The following C12orf42 variants were observed in gnomAD, a reference collection of about 807,000 sequenced individuals.
C12orf42 encodes uncharacterized protein C12orf42.
A neutral mutation model predicts 21.6 loss-of-function variants in C12orf42; 25 were observed. That is an observed-to-expected ratio of 1.16 (90% CI 0.84 to 1.62). C12orf42 has a LOEUF of 1.62. Ranked by LOEUF, C12orf42 falls within the 40% of genes most tolerant of loss-of-function variation. The pLI, the probability that C12orf42 is intolerant of heterozygous loss-of-function variation, is 0.00. For missense variants in C12orf42, 483 were observed against 459.3 expected (o/e 1.05, Z -0.47); for synonymous variants, 174 against 175.0 (o/e 0.99, Z 0.05).
At chr12:103,179,325 G>T in the C12orf42 span, among the ~76,000 whole-genome samples, 15 of 152,190 alleles carry the variant, frequency 9.9e-5, no homozygotes, top group African/African-American at 3.4e-4. Context: ...AGTGGTTTGT[G>T]GCTATTGGGA....
intron 4 of C12orf42, among the ~76,000 whole-genome samples, chr12:103,358,574 T>C (rs989798954): frequency 1.3e-5 from 2 of 151,290 alleles, no homozygotes; most frequent in African/African-American, 4.9e-5. Context: ...ACCCAGTAAA[T>C]GGCAGTACCA....
rs1029643872 is a variant in C12orf42 at position 103,248,834 on chromosome 12, C to A, written c.*1367-10932G>T. On this transcript the variant is annotated intron_variant and NMD_transcript_variant, in intron 10 of 10. Coordinates refer to the C12orf42 transcript ENST00000547347. ...AAATGTAATTATGTATGTGAAAGTGCCTTTCACAGTGTTTGGTATATGGTT... is the reference window on the plus strand; with the variant it reads ...AAATGTAATTATGTATGTGAAAGTGACTTTCACAGTGTTTGGTATATGGTT... Among the ~76,000 whole-genome samples the A allele has an allele frequency of 3.3e-5, 5 of 151,870 alleles. No individual in the cohort carries two copies. In the East Asian group the frequency reaches 9.6e-4, roughly 29 times the overall value.
chr12:103,321,767 A>G (rs1049432636), intron 4 of C12orf42, among the ~76,000 whole-genome samples: 2 of 150,514 alleles, frequency 1.3e-5, no homozygotes, highest in African/African-American at 4.9e-5. Flanking sequence ...TCGCAAGAAC[A>G]AAAAACCAAA....
chr12:103,138,314 T>C, the C12orf42 span, among the ~76,000 whole-genome samples: 1 of 152,186 alleles, frequency 6.6e-6, no homozygotes, highest in Non-Finnish European at 1.5e-5. Flanking sequence ...GGTTGGATCA[T>C]GAGGGCGGAT....
chr12:103,119,993 T>A, the C12orf42 span, among the ~76,000 whole-genome samples: 1 of 152,088 alleles, frequency 6.6e-6, no homozygotes, highest in Non-Finnish European at 1.5e-5. Context: ...AATTGAGGAG[T>A]CCACACAGCA....
chr12:103,289,174 C>T (rs1264719560), intron 4 of C12orf42, among the ~76,000 whole-genome samples: 1 of 152,046 alleles, frequency 6.6e-6, no homozygotes, highest in Non-Finnish European at 1.5e-5. Context: ...GAAGAGAAGT[C>T]CTCTAATTTG....
the C12orf42 span, among the ~76,000 whole-genome samples, chr12:103,520,082 A>G: frequency 1.3e-5 from 2 of 152,214 alleles, no homozygotes; most frequent in Non-Finnish European, 2.9e-5. Flanking sequence ...ACTAACGTGG[A>G]GGGTGAGCAG....
the C12orf42 span, among the ~76,000 whole-genome samples, chr12:103,095,382 A>G: frequency 3.3e-5 from 5 of 151,974 alleles, no homozygotes; most frequent in Admixed American, 6.6e-5. Flanking sequence ...ATCCCTTCAC[A>G]CTGGTCTCCT....
chr12:103,191,757 A>G, the C12orf42 span, among the ~76,000 whole-genome samples: 2 of 150,058 alleles, frequency 1.3e-5, no homozygotes, highest in Admixed American at 6.6e-5. Flanking sequence ...AAAAAAAAAA[A>G]AAAGAAAAGA....
At chr12:103,461,448 G>GA (rs928007154) in intron 2 of C12orf42, among the ~76,000 whole-genome samples, 15 of 150,706 alleles carry the variant, frequency 1.0e-4, no homozygotes, top group Middle Eastern at 3.4e-3. Flanking sequence ...TTTCTGATGA[G>GA]AAAAAAAAAT....
At chr12:103,272,481 G>T (rs1414995318) in intron 5 of C12orf42, among the ~76,000 whole-genome samples, 1 of 152,116 alleles carries the variant, frequency 6.6e-6, no homozygotes, top group Admixed American at 6.6e-5. Flanking sequence ...TGCCTCCATG[G>T]CTTGAGTACA....
the C12orf42 span, chr12:103,155,403 T>G: frequency 6.6e-6 from 1 of 152,174 alleles, no homozygotes; most frequent in Non-Finnish European, 1.5e-5. Context: ...CCCTCCAATG[T>G]GTCTTCTATA....
At chr12:103,215,717 T>C in the C12orf42 span, among the ~76,000 whole-genome samples, 1 of 152,194 alleles carries the variant, frequency 6.6e-6, no homozygotes, top group Non-Finnish European at 1.5e-5. Flanking sequence ...AAGTGCACCC[T>C]CCAACCTAGC....
chr12:103,527,419 G>C, the C12orf42 span, among the ~76,000 whole-genome samples: 1 of 152,168 alleles, frequency 6.6e-6, no homozygotes, highest in African/African-American at 2.4e-5. Context: ...TTGGGTCATG[G>C]AGATGGACCC....
At position 103,322,718 on chromosome 12, in the gene C12orf42, C is replaced by T. The variant is rs114016779; in HGVS notation, c.260-16373G>A. On this transcript the variant is annotated intron_variant, in intron 4 of 5. Coordinates refer to ENST00000548883, the MANE Select transcript of C12orf42 (RefSeq NM_198521.5). The stretch of plus-strand genomic sequence containing the variant: ...TAACTAAAACTGCATTTTTTAAAAA[C>T]GTTTAAACTGGTCTCACCACCACAA... Among the ~76,000 whole-genome samples the T allele has an allele frequency of 3.5e-3, 532 of 152,230 alleles. 1 individual carries two copies. Among genetic ancestry groups the T allele is most frequent in the African/African-American group, 0.012 (494 of 41,540 alleles).
chr12:103,085,355 G>C, the C12orf42 span, among the ~76,000 whole-genome samples: 4 of 152,130 alleles, frequency 2.6e-5, no homozygotes, highest in South Asian at 8.3e-4. Context: ...TTTAAGGGTA[G>C]TAGCTGTCCT....
intron 2 of C12orf42, among the ~76,000 whole-genome samples, chr12:103,434,169 G>C (rs970500726): frequency 1.3e-5 from 2 of 152,106 alleles, no homozygotes; most frequent in Admixed American, 1.3e-4. Flanking sequence ...AGCCAAGATG[G>C]CTACACCAGC....
chr12:103,189,643 G>C, the C12orf42 span, among the ~76,000 whole-genome samples: 1 of 152,160 alleles, frequency 6.6e-6, no homozygotes, highest in Non-Finnish European at 1.5e-5. Context: ...GTGGGAAAAA[G>C]TAGGTAAAAT....
chr12:103,400,848 A>G (rs1291277742), intron 3 of C12orf42, among the ~76,000 whole-genome samples: 1 of 152,212 alleles, frequency 6.6e-6, no homozygotes, highest in East Asian at 1.9e-4. Flanking sequence ...TGATTTCCTC[A>G]GTATTGCTGG....
Sources: allele counts gnomAD v4.1 joint callset (sites outside exome capture counted in the v4.1 genomes callset), GRCh38; gene constraint gnomAD v4.1.1; transcripts MANE v1.5; gene names NCBI Gene and HGNC (gene_info 2026-07-23, HGNC 2026-07-21).